Variants in ERC1 observed in about 807,000 individuals in gnomAD.
ERC1 encodes the protein ELKS/RAB6-interacting/CAST family member 1.
A neutral mutation model predicts 132.0 loss-of-function variants in ERC1; 56 were observed. The observed-to-expected ratio is 0.42, with a 90% CI of 0.34 to 0.53. ERC1 has a LOEUF of 0.53. Among genes scored for constraint, ERC1 ranks in the 20% least tolerant of loss-of-function variants. ERC1 has a pLI of 0.03. For missense variants in ERC1, 1,202 were observed against 1,349.9 expected, an observed-to-expected ratio of 0.89 and a Z score of 1.72; for synonymous variants, 478 against 476.1, an observed-to-expected ratio of 1.00 and a Z score of -0.05.
rs531961300 is a variant in ERC1 at position 1,436,600 on chromosome 12, C to G, written c.3025-7962C>G. 3.9e-5 allele frequency among the ~76,000 whole-genome samples: 6 copies of G among 152,292 alleles called. No individual in the cohort carries two copies. In the South Asian group the frequency reaches 1.2e-3, roughly 32 times the overall value. On this transcript the variant is annotated intron_variant, in intron 17 of 18. Coordinates refer to ENST00000360905, the MANE Select transcript of ERC1 (RefSeq NM_178040.4). ...ACAAGCGTATTGTTGTTTTTCAGAT[C>G]CATCCGTCTAGCAGACATGTGATAA...
chr12:1,395,711 A>T (rs968833377), intron 16 of ERC1, among the ~76,000 whole-genome samples: 3 of 152,182 alleles, frequency 2.0e-5, no homozygotes, highest in African/African-American at 7.2e-5. Context: ...AAGCGTTTCT[A>T]AGGATTACAA....
rs933184465 is a variant in ERC1, at chr12:1,160,578, G to A, written c.1737+18791G>A. Among the ~76,000 whole-genome samples, 6 of 152,054 alleles carry A rather than the reference G, an allele frequency of 3.9e-5. No individual in the cohort carries two copies. In the East Asian group the frequency reaches 7.7e-4, roughly 20 times the overall value. On this transcript the variant is annotated intron_variant, in intron 8 of 18. Coordinates refer to ENST00000360905, the MANE Select transcript of ERC1 (RefSeq NM_178040.4). The stretch of plus-strand genomic sequence containing the variant: ...TACAAAAAATTAGCTGGGCGTGGTG[G>A]TGCCCACCTGTAATCCCAGCTACTG...
chr12:1,273,517 A>G (rs946304429), intron 14 of ERC1, among the ~76,000 whole-genome samples: 15 of 152,206 alleles, frequency 9.9e-5, no homozygotes, highest in Non-Finnish European at 1.8e-4. Context: ...AGCACTGTCA[A>G]ATAGAACTTG....
intron 17 of ERC1, chr12:1,410,375 C>T (rs1229359955): frequency 1.5e-6 from 2 of 1,293,538 alleles, no homozygotes; most frequent in East Asian, 8.5e-5. Context: ...CCCTTGTCAT[C>T]TCTCTCCCTG....
At chr12:1,066,625 T>C (rs994013651) in intron 2 of ERC1, among the ~76,000 whole-genome samples, 1 of 152,012 alleles carries the variant, frequency 6.6e-6, no homozygotes, top group Non-Finnish European at 1.5e-5. Flanking sequence ...TCACGTGAGG[T>C]CAGGAGTTTG....
chr12:1,002,102 T>A (rs1434707282), intron 1 of ERC1, among the ~76,000 whole-genome samples: 1 of 147,184 alleles, frequency 6.8e-6, no homozygotes, highest in Admixed American at 6.9e-5. Flanking sequence ...CTTCAAATGA[T>A]CCACCTGCCT....
At chr12:1,080,769 G>A (rs1485506508) in intron 2 of ERC1, among the ~76,000 whole-genome samples, 1 of 152,134 alleles carries the variant, frequency 6.6e-6, no homozygotes. Context: ...ATGTGGAACT[G>A]TAAGTCCAAT....
At chr12:1,198,563 G>A (rs1279238312) in intron 12 of ERC1, among the ~76,000 whole-genome samples, 1 of 152,106 alleles carries the variant, frequency 6.6e-6, no homozygotes, top group East Asian at 1.9e-4. Context: ...TATCTTCTTT[G>A]CTAACCATCT....
intron 12 of ERC1, among the ~76,000 whole-genome samples, chr12:1,207,492 T>C (rs1319037568): frequency 6.6e-6 from 1 of 152,214 alleles, no homozygotes; most frequent in African/African-American, 2.4e-5. Context: ...AGAGCGTATT[T>C]CTTATTATTT....
At chr12:1,111,172 CCA>C (rs1394666935) in intron 5 of ERC1, among the ~76,000 whole-genome samples, 1 of 152,114 alleles carries the variant, frequency 6.6e-6, no homozygotes, top group African/African-American at 2.4e-5. Flanking sequence ...AAGATTGATA[CCA>C]CCAAGACCTA....
intron 17 of ERC1, among the ~76,000 whole-genome samples, chr12:1,420,931 G>T (rs116362618): frequency 2.9e-5 from 4 of 138,502 alleles, no homozygotes; most frequent in South Asian, 2.4e-4. Flanking sequence ...GGGGGGGGGG[G>T]GGTTAATTAT....
intron 18 of ERC1, among the ~76,000 whole-genome samples, chr12:1,459,328 T>TG (rs2093602286): frequency 6.6e-6 from 1 of 152,228 alleles, no homozygotes. Context: ...TATGAAAGGA[T>TG]GCTGAAGATG....
At chr12:1,258,118 C>T (rs1297101651) in intron 13 of ERC1, among the ~76,000 whole-genome samples, 1 of 152,126 alleles carries the variant, frequency 6.6e-6, no homozygotes, top group Non-Finnish European at 1.5e-5. Context: ...CTATAAACAA[C>T]AGGTATGATT....
chr12:1,144,864 A>G (rs891008166), intron 8 of ERC1, among the ~76,000 whole-genome samples: 2 of 152,112 alleles, frequency 1.3e-5, no homozygotes, highest in Admixed American at 6.5e-5. Context: ...AGGAATCTCT[A>G]TACTGTTTTC....
At chr12:1,207,663 T>C (rs1373040009) in intron 12 of ERC1, among the ~76,000 whole-genome samples, 1 of 152,210 alleles carries the variant, frequency 6.6e-6, no homozygotes, top group Non-Finnish European at 1.5e-5. Context: ...CTGATCTTCC[T>C]AACTCTTCTA....
chr12:1,420,675 T>C (rs2092389205), intron 17 of ERC1, among the ~76,000 whole-genome samples: 1 of 152,138 alleles, frequency 6.6e-6, no homozygotes, highest in African/African-American at 2.4e-5. Flanking sequence ...CAGGATGGTC[T>C]TGATCTCTTG....
intron 3 of ERC1, among the ~76,000 whole-genome samples, chr12:1,093,957 C>CTA (rs202076174): frequency 0.23 from 15,768 of 68,798 alleles, 2,213 homozygotes; most frequent in Non-Finnish European, 0.26. Context: ...ATATATTTTT[C>CTA]TATATATATA....
chr12:1,184,277 C>T (rs1308812064), intron 11 of ERC1, among the ~76,000 whole-genome samples: 2 of 151,392 alleles, frequency 1.3e-5, no homozygotes, highest in Non-Finnish European at 2.9e-5. Flanking sequence ...TGTTAATTTC[C>T]TAGCTTTTTT....
chr12:1,062,408 C>T (rs1480160301), intron 2 of ERC1, among the ~76,000 whole-genome samples: 1 of 152,182 alleles, frequency 6.6e-6, no homozygotes, highest in Non-Finnish European at 1.5e-5. Flanking sequence ...AGGCATGAGC[C>T]ACCACACCTT....
Sources: allele counts gnomAD v4.1 joint callset (sites outside exome capture counted in the v4.1 genomes callset), GRCh38; gene constraint gnomAD v4.1.1; transcripts MANE v1.5; gene names NCBI Gene and HGNC (gene_info 2026-07-23, HGNC 2026-07-21).